SLCO2A1: variants seen among roughly 807,000 people sequenced by gnomAD.
The protein encoded by SLCO2A1 is solute carrier organic anion transporter family member 2A1.
A neutral mutation model predicts 71.7 loss-of-function variants in SLCO2A1; 60 were observed. The ratio of observed to expected loss-of-function variants is 0.84; its 90% CI spans 0.68 to 1.04. SLCO2A1 has a LOEUF of 1.04. SLCO2A1 is among the 50% of genes least tolerant of loss of function. The pLI, the probability that SLCO2A1 is intolerant of heterozygous loss-of-function variation, is 0.00. For synonymous variants in SLCO2A1, 308 were observed against 326.7 expected (o/e 0.94, Z 0.62); for missense variants, 745 against 813.4 (o/e 0.92, Z 1.02).
chr3:134,016,350 T>C (rs1935455436), intron 1 of SLCO2A1, among the ~76,000 whole-genome samples: 1 of 151,194 alleles, frequency 6.6e-6, no homozygotes, highest in African/African-American at 2.4e-5. Flanking sequence ...AAAAAAAAGA[T>C]TACAATTAGA....
rs114890721 is a variant in SLCO2A1 at position 133,978,661 on chromosome 3, G to T, written c.234+820C>A. Among the ~76,000 whole-genome samples the T allele has an allele frequency of 1.5e-3, 225 of 152,156 alleles. 1 individual carries two copies. The highest frequency in any genetic ancestry group is 5.1e-3 in the African/African-American group (212 of 41,472). ...TCATGATGCTCCAGAGGAGCAACCC[G>T]GCTCTGGGGAAGGGACCACTGCCTG... On this transcript the variant is annotated intron_variant, in intron 2 of 13. Coordinates refer to ENST00000310926, the MANE Select transcript of SLCO2A1 (RefSeq NM_005630.3).
chr3:133,938,579 T>A, intron 11 of SLCO2A1, 86 bp from the exon 12 acceptor site: 1 of 1,301,950 alleles, frequency 7.7e-7, no homozygotes, highest in South Asian at 1.2e-5. Flanking sequence ...TCAGAGCAGG[T>A]CAGAACCAGC....
intron 8 of SLCO2A1, among the ~76,000 whole-genome samples, chr3:133,948,127 C>T (rs956213878): frequency 6.6e-6 from 1 of 152,106 alleles, no homozygotes; most frequent in Non-Finnish European, 1.5e-5. Flanking sequence ...AATCTCTGGA[C>T]CATATATTGT....
rs145019450 is a variant in SLCO2A1, at chr3:133,968,696, C to G, written c.397+4967G>C. ...GCTGAAGGATCATTCACAGGTTACA[C>G]CTAGTCCTACCAGACACTGGTTTCC... On this transcript the variant is annotated intron_variant, in intron 3 of 13. Transcript: ENST00000310926. 5.3e-3 allele frequency among the ~76,000 whole-genome samples: 805 copies of G among 152,354 alleles called. 9 individuals carry two copies. Among genetic ancestry groups the G allele is most frequent in the African/African-American group, 0.018 (754 of 41,576 alleles).
intron 1 of SLCO2A1, among the ~76,000 whole-genome samples, chr3:134,025,985 A>G (rs181446424): frequency 1.4e-3 from 214 of 152,296 alleles, no homozygotes; most frequent in African/African-American, 5.0e-3. Context: ...TCTCAATGTC[A>G]CTTCATGTTA....
At chr3:133,959,670 C>CA (rs199843806) in intron 3 of SLCO2A1, among the ~76,000 whole-genome samples, 1 of 151,998 alleles carries the variant, frequency 6.6e-6, no homozygotes, top group Non-Finnish European at 1.5e-5. Context: ...ACTAAAAATA[C>CA]AAAAAATTAG....
chr3:133,994,769 A>G (rs1448081024), intron 1 of SLCO2A1, among the ~76,000 whole-genome samples: 2 of 151,982 alleles, frequency 1.3e-5, no homozygotes, highest in Non-Finnish European at 2.9e-5. Context: ...GCCCCCAACC[A>G]TTGTTGGGAC....
intron 12 of SLCO2A1, among the ~76,000 whole-genome samples, chr3:133,937,313 C>A (rs923930513): frequency 6.6e-6 from 1 of 152,198 alleles, no homozygotes; most frequent in African/African-American, 2.4e-5. Flanking sequence ...GTAGATCCTG[C>A]CGCCCTGCTT....
rs539794734 is a variant in SLCO2A1, at chr3:133,973,061, C to T, written c.397+602G>A. ...GAGGTAGAACAAAAATATGGGTCAA[C>T]CATAAGTGGAAGATGAGAGAGGATG... On this transcript the variant is annotated intron_variant, in intron 3 of 13. Coordinates refer to ENST00000310926, the MANE Select transcript of SLCO2A1 (RefSeq NM_005630.3). 6.6e-5 allele frequency among the ~76,000 whole-genome samples: 10 copies of T among 152,216 alleles called. No individual in the cohort carries two copies. In the East Asian group the frequency reaches 1.9e-3, roughly 29 times the overall value.
chr3:133,986,266 T>TTTTTTG (rs1232679517), intron 1 of SLCO2A1, among the ~76,000 whole-genome samples: 6 of 152,102 alleles, frequency 3.9e-5, no homozygotes, highest in African/African-American at 1.4e-4. Context: ...TTGTTTTTTG[T>TTTTTTG]TTTTTGTTTT....
chr3:133,979,101 C>A (rs61106283), intron 2 of SLCO2A1, among the ~76,000 whole-genome samples: 5 of 152,270 alleles, frequency 3.3e-5, no homozygotes, highest in African/African-American at 1.2e-4. Flanking sequence ...GCAGATTGCA[C>A]AGAACTAAAT....
At chr3:134,020,768 C>T (rs912442067) in intron 1 of SLCO2A1, among the ~76,000 whole-genome samples, 3 of 151,994 alleles carry the variant, frequency 2.0e-5, no homozygotes, top group African/African-American at 7.2e-5. Flanking sequence ...GGAAGCTTGG[C>T]CTGATCACGC....
At chr3:133,964,571 C>T (rs1934120994) in intron 3 of SLCO2A1, among the ~76,000 whole-genome samples, 1 of 152,160 alleles carries the variant, frequency 6.6e-6, no homozygotes, top group Non-Finnish European at 1.5e-5. Flanking sequence ...AAAGCAGTTA[C>T]AGGACAAGTG....
chr3:133,936,002 G>A lies in SLCO2A1; in HGVS notation c.1691-105C>T, dbSNP rs7616492. On this transcript the variant is annotated intron_variant, in intron 12 of 13. Transcript: ENST00000310926. ...CGACACAGTTCACATACATGAGAACGGCTCTGCCGTACCCATAGGACTCAC... is the reference window on the plus strand; with the variant it reads ...CGACACAGTTCACATACATGAGAACAGCTCTGCCGTACCCATAGGACTCAC... The A allele has an allele frequency of 0.35, 424,365 of 1,198,494 alleles. 79,589 individuals are homozygous for A. The highest frequency in any genetic ancestry group is 0.39 in the Non-Finnish European group (349,720 of 904,936). The allele number at this position is 1,198,494 out of a possible 1,614,324, so 74.2% of individuals were successfully genotyped here.
rs188834421 is a variant in SLCO2A1 at position 133,962,118 on chromosome 3, C to T, written c.398-6925G>A. Among the ~76,000 whole-genome samples, 33 of 152,174 alleles carry T rather than the reference C, an allele frequency of 2.2e-4. No homozygotes were observed. The South Asian group carries it at 3.3e-3, about 15-fold the overall frequency. Reference sequence around the variant, plus strand: ...TTTTTGAGACAGAGTCTCGCTCTGTCGCCCAGGCTGGAGTGCAATAGCATG... The same window carrying T: ...TTTTTGAGACAGAGTCTCGCTCTGTTGCCCAGGCTGGAGTGCAATAGCATG... On this transcript the variant is annotated intron_variant, in intron 3 of 13. Coordinates refer to ENST00000310926, the MANE Select transcript of SLCO2A1 (RefSeq NM_005630.3).
intron 1 of SLCO2A1, among the ~76,000 whole-genome samples, chr3:133,992,112 T>A (rs960219658): frequency 6.6e-6 from 1 of 152,218 alleles, no homozygotes; most frequent in Non-Finnish European, 1.5e-5. Context: ...TTTAGTTTAG[T>A]ACGCTCAACT....
chr3:133,983,499 C>G (rs989748287), intron 1 of SLCO2A1, among the ~76,000 whole-genome samples: 3 of 152,230 alleles, frequency 2.0e-5, no homozygotes, highest in Admixed American at 1.3e-4. Flanking sequence ...TTGGATTGTT[C>G]TGGTATGCAG....
intron 1 of SLCO2A1, among the ~76,000 whole-genome samples, chr3:134,028,971 G>C (rs189463865): frequency 7.5e-6 from 1 of 133,442 alleles, no homozygotes; most frequent in Non-Finnish European, 1.6e-5. Flanking sequence ...CTTCTCACCC[G>C]CTCCCCATAA....
chr3:133,942,937 A>G (rs554729603), intron 10 of SLCO2A1, among the ~76,000 whole-genome samples, 169 bp from the exon 11 acceptor site: 1 of 152,078 alleles, frequency 6.6e-6, no homozygotes, highest in Non-Finnish European at 1.5e-5. Flanking sequence ...GAGGGTTTCA[A>G]GCTGCCCCAG....
Sources: allele counts gnomAD v4.1 joint callset (sites outside exome capture counted in the v4.1 genomes callset), GRCh38; gene constraint gnomAD v4.1.1; transcripts MANE v1.5; gene names NCBI Gene and HGNC (gene_info 2026-07-23, HGNC 2026-07-21).